The following UGGT2 variants were observed in gnomAD, a reference collection of about 807,000 sequenced individuals.
The protein encoded by UGGT2 is UDP-glucose:glycoprotein glucosyltransferase 2.
In UGGT2, 180 loss-of-function variants were observed where a neutral mutation model predicts 192.1. The observed-to-expected ratio is 0.94, with a 90% CI of 0.83 to 1.06. The LOEUF is 1.06. UGGT2 is among the 50% of genes least tolerant of loss of function. The pLI, the probability that UGGT2 is intolerant of heterozygous loss-of-function variation, is 0.00. For missense variants in UGGT2, 1,849 were observed against 1,795.7 expected (o/e 1.03, Z -0.54); for synonymous variants, 580 against 591.0 (o/e 0.98, Z 0.27).
Position 96,007,517 on chromosome 13 carries a change from G to A in UGGT2, c.660+5790C>T, listed in dbSNP as rs139473411. On this transcript the variant is annotated intron_variant, in intron 5 of 38. Coordinates refer to ENST00000376747, the MANE Select transcript of UGGT2 (RefSeq NM_020121.4). Reference sequence around the variant, plus strand: ...GGAAAGGAAGAAGTAAAATTACCCTGGTTTGCAAACAATATGATCTTATAT... The same window carrying A: ...GGAAAGGAAGAAGTAAAATTACCCTAGTTTGCAAACAATATGATCTTATAT... Among the ~76,000 whole-genome samples, 56 of 152,068 alleles carry A rather than the reference G, an allele frequency of 3.7e-4. No individual in the cohort carries two copies. The East Asian group carries it at 9.7e-3, about 26-fold the overall frequency.
chr13:95,936,846 C>T, intron 17 of UGGT2, 78 bp downstream of exon 17: 1 of 1,263,786 alleles, frequency 7.9e-7, no homozygotes, highest in Admixed American at 3.1e-5. Flanking sequence ...AAATCAACTT[C>T]TGTCATTAAA....
intron 5 of UGGT2, 36 bp downstream of exon 5, chr13:96,013,271 C>T (rs780937564): frequency 4.7e-5 from 71 of 1,516,054 alleles, no homozygotes; most frequent in Middle Eastern, 3.4e-4. Context: ...TTTTTTTCTA[C>T]AGCCAAAAGC....
At chr13:95,966,482 T>C (rs1161930408) in intron 12 of UGGT2, among the ~76,000 whole-genome samples, 1 of 152,180 alleles carries the variant, frequency 6.6e-6, no homozygotes, top group Non-Finnish European at 1.5e-5. Flanking sequence ...AATTCTACTA[T>C]TCAATAGCAA....
intron 12 of UGGT2, among the ~76,000 whole-genome samples, chr13:95,968,590 T>C (rs901738685): frequency 1.3e-5 from 2 of 152,108 alleles, no homozygotes; most frequent in African/African-American, 2.4e-5. Flanking sequence ...TCCAACACTC[T>C]CTCTCACTCC....
chr13:95,993,366 C>A (rs72636589), intron 7 of UGGT2, among the ~76,000 whole-genome samples: 1 of 151,890 alleles, frequency 6.6e-6, no homozygotes, highest in East Asian at 1.9e-4. Context: ...CAAACCTGCA[C>A]GTGTATGCCT....
intron 4 of UGGT2, among the ~76,000 whole-genome samples, chr13:96,016,047 AG>A (rs561240212): frequency 1.6e-4 from 25 of 152,170 alleles, no homozygotes; most frequent in Non-Finnish European, 3.2e-4. Flanking sequence ...TGAACTTAAG[AG>A]GGATGACTTA....
chr13:96,050,232 G>T (rs952210159), intron 1 of UGGT2, among the ~76,000 whole-genome samples: 1 of 152,120 alleles, frequency 6.6e-6, no homozygotes, highest in African/African-American at 2.4e-5. Flanking sequence ...AATGGGGAAA[G>T]GATTCCCTAT....
rs114056050 is a variant in UGGT2 at position 95,814,710 on chromosome 13, A to T, written c.4529-12898T>A. On this transcript the variant is annotated intron_variant, in intron 38 of 38. Coordinates refer to ENST00000376747, the MANE Select transcript of UGGT2 (RefSeq NM_020121.4). The stretch of plus-strand genomic sequence containing the variant: ...AAAGTCCAAAGTCTCATCTGAGGCA[A>T]TCTCCTTTGACTTCAACTCATTCTA... Among the ~76,000 whole-genome samples, 353 of 152,290 alleles carry T rather than the reference A, an allele frequency of 2.3e-3. 5 individuals are homozygous for T. Among genetic ancestry groups the T allele is most frequent in the African/African-American group, 8.0e-3 (332 of 41,554 alleles).
chr13:95,873,723 T>G (rs1262297528), intron 29 of UGGT2, among the ~76,000 whole-genome samples: 1 of 152,168 alleles, frequency 6.6e-6, no homozygotes, highest in African/African-American at 2.4e-5. Flanking sequence ...TGTATTAAAT[T>G]TGCACCCCCC....
chr13:95,851,696 G>A (rs911298623), intron 36 of UGGT2, among the ~76,000 whole-genome samples: 1 of 152,218 alleles, frequency 6.6e-6, no homozygotes, highest in East Asian at 1.9e-4. Context: ...ATTTTACTGA[G>A]AAGTGTTAAG....
At chr13:95,864,812 T>C (rs1890497719) in intron 30 of UGGT2, among the ~76,000 whole-genome samples, 1 of 152,200 alleles carries the variant, frequency 6.6e-6, no homozygotes, top group Non-Finnish European at 1.5e-5. Context: ...ACCTATCTTC[T>C]TTCTTGATCT....
At chr13:95,846,315 C>T (rs994521366) in intron 36 of UGGT2, among the ~76,000 whole-genome samples, 8 of 152,000 alleles carry the variant, frequency 5.3e-5, no homozygotes, top group African/African-American at 1.9e-4. Flanking sequence ...ATCCCAGGCA[C>T]TCGGCAGGCT....
At chr13:95,862,624 A>C (rs4773928) in intron 31 of UGGT2, among the ~76,000 whole-genome samples, 55,093 of 151,948 alleles carry the variant, frequency 0.36, 10,430 homozygotes, top group Non-Finnish European at 0.42. Flanking sequence ...TGGGACACAC[A>C]GCTATAGTTG....
In UGGT2 at chr13:95,860,882, A is replaced by G; in HGVS notation, c.3646T>C (p.Phe1216Leu). ...TTTTCTTTATGCAAGCTTACTGTGA[A>G]ACTTGGAATAAAAAAGTAATTGACA... ...TKGLWDSIKS[F>L]TVSLHKENKK... is the part of the protein sequence containing the mutation. Residue 1216 changes from phenylalanine (F) to leucine (L), a missense_variant and splice_region_variant, in exon 32 of 39, where the codon TTC becomes CTC. Physicochemically the swap from Phe to Leu is conservative, Grantham distance 22 (BLOSUM62 0). Transcript: ENST00000376747. 1 of 1,543,794 alleles carries G rather than the reference A, an allele frequency of 6.5e-7. No homozygotes were observed. The highest frequency in any genetic ancestry group is 1.3e-5 in the South Asian group (1 of 76,498).
intron 36 of UGGT2, among the ~76,000 whole-genome samples, chr13:95,847,860 A>T (rs1158725976): frequency 6.6e-6 from 1 of 152,206 alleles, no homozygotes. Flanking sequence ...GAGTTTGTTT[A>T]GTTTTGTAAG....
chr13:95,952,422 A>C (rs767841645), intron 12 of UGGT2, among the ~76,000 whole-genome samples: 2 of 152,204 alleles, frequency 1.3e-5, no homozygotes, highest in Non-Finnish European at 2.9e-5. Context: ...ATAAAATGGC[A>C]TAGTATTTGC....
intron 2 of UGGT2, 59 bp from the exon 3 acceptor site, chr13:96,023,818 C>A: frequency 7.4e-7 from 1 of 1,345,062 alleles, no homozygotes; most frequent in Non-Finnish European, 1.0e-6. Context: ...CACATTGGCA[C>A]ATCTTCCACT....
intron 38 of UGGT2, among the ~76,000 whole-genome samples, chr13:95,811,032 A>C (rs1425354695): frequency 1.3e-5 from 2 of 152,224 alleles, no homozygotes; most frequent in Non-Finnish European, 2.9e-5. Context: ...CATCAGGGAA[A>C]TGCAAATCAA....
intron 36 of UGGT2, among the ~76,000 whole-genome samples, chr13:95,842,671 G>T (rs1038791995): frequency 2.6e-5 from 4 of 152,116 alleles, no homozygotes; most frequent in African/African-American, 7.2e-5. Flanking sequence ...CTTTCATTTT[G>T]TTGGCATCCT....
Sources: gnomAD v4.1 joint callset for allele counts (sites outside exome capture counted in the v4.1 genomes callset) on GRCh38, gnomAD v4.1.1 for gene constraint, MANE v1.5 for transcripts, NCBI Gene and HGNC (gene_info 2026-07-23, HGNC 2026-07-21) for gene names.